SYNPR: variants seen among roughly 807,000 people sequenced by gnomAD.
SYNPR encodes the protein synaptoporin.
A neutral mutation model predicts 32.9 loss-of-function variants in SYNPR; 23 were observed. The observed-to-expected ratio is 0.70, with a 90% CI of 0.50 to 0.99. The LOEUF is 0.99. Ranked by LOEUF, SYNPR falls within the 50% of genes least tolerant of loss-of-function variation. The pLI is 0.00. For missense variants in SYNPR, 318 were observed against 349.3 expected (o/e 0.91, Z 0.71); for synonymous variants, 146 against 135.9 (o/e 1.07, Z -0.52).
intron 2 of SYNPR, among the ~76,000 whole-genome samples, chr3:63,465,917 T>A (rs1414626654): frequency 6.6e-6 from 1 of 152,196 alleles, no homozygotes; most frequent in Non-Finnish European, 1.5e-5. Flanking sequence ...TTTTTTAACT[T>A]TATTTTAAGC....
intron 2 of SYNPR, among the ~76,000 whole-genome samples, chr3:63,361,430 TAA>T (rs760618025): frequency 6.7e-6 from 1 of 149,930 alleles, no homozygotes; most frequent in African/African-American, 2.4e-5. Context: ...CCATCTCTAC[TAA>T]AAAAAAATAC....
intron 3 of SYNPR, among the ~76,000 whole-genome samples, chr3:63,487,002 C>T (rs972964907): frequency 6.6e-6 from 1 of 152,152 alleles, no homozygotes; most frequent in Non-Finnish European, 1.5e-5. Context: ...TATTTTAGAT[C>T]AGCCCATCCC....
chr3:63,322,484 T>C (rs11130924), intron 2 of SYNPR, among the ~76,000 whole-genome samples: 67,001 of 151,852 alleles, frequency 0.44, 14,983 homozygotes, highest in Middle Eastern at 0.52. Flanking sequence ...AAATCCAGGT[T>C]GGCCTGCTAC....
intron 4 of SYNPR, among the ~76,000 whole-genome samples, chr3:63,601,323 C>A (rs1700038579): frequency 2.0e-5 from 3 of 151,876 alleles, no homozygotes; most frequent in Admixed American, 2.0e-4. Flanking sequence ...TGTCTGAAAC[C>A]CTTTGATGTA....
At chr3:63,265,954 C>T (rs1369337994) in intron 2 of SYNPR, among the ~76,000 whole-genome samples, 1 of 152,158 alleles carries the variant, frequency 6.6e-6, no homozygotes, top group East Asian at 1.9e-4. Context: ...TGCGTTTTAC[C>T]TCACTTCCCT....
At chr3:63,275,493 T>C (rs1371509580), upstream of SYNPR, among the ~76,000 whole-genome samples, 2 of 152,184 alleles carry the variant, frequency 1.3e-5, no homozygotes, top group African/African-American at 4.8e-5. Context: ...GAAAAAAATA[T>C]GCCACCATAT....
At chr3:63,449,094 G>C (rs189220277) in intron 2 of SYNPR, among the ~76,000 whole-genome samples, 25 of 152,196 alleles carry the variant, frequency 1.6e-4, no homozygotes, top group African/African-American at 6.0e-4. Flanking sequence ...TTCTTGGACA[G>C]TATTGGGAGA....
chr3:63,416,311 AC>A (rs898323717), intron 2 of SYNPR, among the ~76,000 whole-genome samples: 1 of 152,146 alleles, frequency 6.6e-6, no homozygotes, highest in Non-Finnish European at 1.5e-5. Flanking sequence ...AGGGTGGATC[AC>A]CTGAGGTTCG....
At chr3:63,208,306 T>G in the SYNPR span, among the ~76,000 whole-genome samples, 1 of 152,176 alleles carries the variant, frequency 6.6e-6, no homozygotes, top group South Asian at 2.1e-4. Context: ...TGGGAAAGAT[T>G]AACTGCTCTG....
intron 2 of SYNPR, among the ~76,000 whole-genome samples, chr3:63,406,472 A>ATT (rs571038837): frequency 4.2e-5 from 6 of 143,932 alleles, no homozygotes; most frequent in Admixed American, 6.9e-5. Context: ...ATGTGATTCC[A>ATT]TTTTTTTTTT....
At chr3:63,547,043 C>G (rs1702418538) in intron 3 of SYNPR, among the ~76,000 whole-genome samples, 2 of 152,064 alleles carry the variant, frequency 1.3e-5, no homozygotes, top group Non-Finnish European at 2.9e-5. Context: ...ATCTCAATGT[C>G]CACTGACCTT....
chr3:63,368,709 T>A (rs990208431), intron 2 of SYNPR, among the ~76,000 whole-genome samples: 2 of 152,140 alleles, frequency 1.3e-5, no homozygotes, highest in African/African-American at 4.8e-5. Flanking sequence ...TGGTGTGCAG[T>A]GCTACAGACT....
At chr3:63,425,273 C>G (rs1238595608) in intron 2 of SYNPR, among the ~76,000 whole-genome samples, 2 of 152,106 alleles carry the variant, frequency 1.3e-5, no homozygotes, top group Non-Finnish European at 2.9e-5. Flanking sequence ...AAACTCTCCA[C>G]CCAAAGAGTA....
intron 2 of SYNPR, among the ~76,000 whole-genome samples, chr3:63,388,556 T>TTTTG (rs1338505690): frequency 6.2e-5 from 8 of 128,018 alleles, no homozygotes; most frequent in Non-Finnish European, 8.1e-5. Context: ...CCCGGCTAAT[T>TTTTG]TGTGTGTGTG....
At chr3:63,553,921 A>C (rs1287465723) in intron 3 of SYNPR, among the ~76,000 whole-genome samples, 1 of 152,064 alleles carries the variant, frequency 6.6e-6, no homozygotes, top group Non-Finnish European at 1.5e-5. Context: ...GGGTTTCTCC[A>C]TGTTGGTCAG....
At chr3:63,231,595 T>G (rs2106873482) in intron 1 of SYNPR, among the ~76,000 whole-genome samples, 1 of 152,308 alleles carries the variant, frequency 6.6e-6, no homozygotes, top group South Asian at 2.1e-4. Flanking sequence ...AAATAAGTAA[T>G]GTTACTGCTT....
the SYNPR span, among the ~76,000 whole-genome samples, chr3:63,220,130 T>C: frequency 6.6e-6 from 1 of 152,214 alleles, no homozygotes; most frequent in Non-Finnish European, 1.5e-5. Context: ...AAACATTTAT[T>C]GTACAAATGT....
intron 3 of SYNPR, among the ~76,000 whole-genome samples, chr3:63,552,117 C>T (rs898165315): frequency 6.6e-6 from 1 of 152,016 alleles, no homozygotes; most frequent in South Asian, 2.1e-4. Context: ...AGGCTGGTCT[C>T]GAACTCCTGA....
intron 3 of SYNPR, among the ~76,000 whole-genome samples, chr3:63,494,831 T>C (rs1386733530): frequency 6.6e-6 from 1 of 152,074 alleles, no homozygotes. Flanking sequence ...TTCACCACCA[T>C]ACTGTAAAGA....
Sources: allele counts gnomAD v4.1 joint callset (sites outside exome capture counted in the v4.1 genomes callset), GRCh38; gene constraint gnomAD v4.1.1; transcripts MANE v1.5; gene names NCBI Gene and HGNC (gene_info 2026-07-23, HGNC 2026-07-21).